Variants in NOS1 observed in about 807,000 individuals in gnomAD.
The protein encoded by NOS1 is nitric oxide synthase 1.
A neutral mutation model predicts 164.5 loss-of-function variants in NOS1; 51 were observed. The ratio of observed to expected loss-of-function variants is 0.31; its 90% CI spans 0.25 to 0.39. The LOEUF is 0.39. Ranked by LOEUF, NOS1 falls within the 10% of genes least tolerant of loss-of-function variation. The pLI is 1.00. For synonymous variants in NOS1, 719 were observed against 745.8 expected (o/e 0.96, Z 0.59); for missense variants, 1,362 against 1,885.6 (o/e 0.72, Z 5.14).
At chr12:117,340,871 C>CTTTTTTTTTTTTTTTTTT (rs775978271) in intron 1 of NOS1, among the ~76,000 whole-genome samples, 2 of 96,440 alleles carry the variant, frequency 2.1e-5, no homozygotes, top group East Asian at 2.7e-4. Flanking sequence ...TCACACCTGG[C>CTTTTTTTTTTTTTTTTTT]TATTTTTTTT....
rs1448716089 is a variant in NOS1, at chr12:117,208,377, C to T, written c.*6932G>A. 1.0e-5 allele frequency: 12 copies of T among 1,154,784 alleles called. No homozygotes were observed. The highest frequency in any genetic ancestry group is 9.9e-5 in the African/African-American group (3 of 30,456). 71.5% of individuals were successfully genotyped at this position (1,154,784 alleles called of 1,614,324 possible). A position where few individuals can be genotyped will look rare whatever the true frequency, so the allele number is the denominator to read the frequency against. ...AGAGCTCAGAGGTAGGGGGGACGGC[C>T]GAGTTTCTGACAGCGTGTGTGTGTG... On this transcript the variant is annotated 3_prime_UTR_variant, in exon 29 of 29. Transcript: ENST00000317775.
In NOS1 at chr12:117,359,874, TTTTATATATATATA is replaced by T. The variant is rs1201467267; in HGVS notation, c.-421+1624_-421+1637del. On this transcript the variant is annotated intron_variant, in intron 1 of 28. Coordinates refer to ENST00000317775, the MANE Select transcript of NOS1 (RefSeq NM_000620.5). ...CGGTCCCAGAGCATTACAATAATGG[TTTTATATATATATA>T]TATATATATATATATATATATATAT... 4.0e-3 allele frequency among the ~76,000 whole-genome samples: 176 copies of T among 44,202 alleles called. 12 individuals are homozygous for T. Among genetic ancestry groups the T allele is most frequent in the East Asian group, 6.8e-3 (10 of 1,464 alleles). The allele number at this position is 44,202 out of a possible 152,430, so 29.0% of individuals were successfully genotyped here. A position where few individuals can be genotyped will look rare whatever the true frequency, so the allele number is the denominator to read the frequency against.
chr12:117,346,300 G>A (rs566378577), intron 1 of NOS1, among the ~76,000 whole-genome samples: 3 of 152,150 alleles, frequency 2.0e-5, no homozygotes, highest in African/African-American at 7.2e-5. Flanking sequence ...GTGAAACCCC[G>A]TCTCTACTAA....
chr12:117,210,636 C>T lies in NOS1; in HGVS notation c.*4673G>A, dbSNP rs1475570819. The T allele has an allele frequency of 1.0e-6, 1 of 985,458 alleles. No individual in the cohort carries two copies. Among genetic ancestry groups the T allele is most frequent in the East Asian group, 1.1e-4 (1 of 8,806 alleles). The allele number at this position is 985,458 out of a possible 1,614,324, so 61.0% of individuals were successfully genotyped here. A position where few individuals can be genotyped will look rare whatever the true frequency, so the allele number is the denominator to read the frequency against. On this transcript the variant is annotated 3_prime_UTR_variant, in exon 29 of 29. Coordinates refer to ENST00000317775, the MANE Select transcript of NOS1 (RefSeq NM_000620.5). ...ATCTGGATTGCCCATCCTATTAGGA[C>T]CATTTGCCCTATGAGCTAGGTCAGG...
chr12:117,304,528 G>C (rs1206817004), intron 3 of NOS1, among the ~76,000 whole-genome samples: 1 of 152,192 alleles, frequency 6.6e-6, no homozygotes, highest in Non-Finnish European at 1.5e-5. Flanking sequence ...GCCTGTGTTT[G>C]CTCAGCTTTG....
intron 14 of NOS1, 144 bp from the exon 15 acceptor site, chr12:117,259,274 G>T: frequency 1.6e-6 from 1 of 616,556 alleles, no homozygotes; most frequent in Non-Finnish European, 2.9e-6. Flanking sequence ...ATCTCCTTTG[G>T]AAGGAGAACC....
intron 5 of NOS1, among the ~76,000 whole-genome samples, chr12:117,286,626 GA>G (rs1358194424): frequency 1.3e-5 from 2 of 152,078 alleles, no homozygotes; most frequent in Admixed American, 1.3e-4. Flanking sequence ...GTTTTAAGGG[GA>G]ACTCTTATAA....
rs1467302281 is a variant in NOS1 at position 117,208,637 on chromosome 12, C to G, written c.*6672G>C. On this transcript the variant is annotated 3_prime_UTR_variant, in exon 29 of 29. Coordinates refer to ENST00000317775, the MANE Select transcript of NOS1 (RefSeq NM_000620.5). ...GGGACTGAGACCCAGCTCAAGAGCA[C>G]TGGATCTCAGTGAGTCTTAATCAGA... is the stretch of plus-strand genomic sequence containing the variant. 8 of 1,159,490 alleles carry G rather than the reference C, an allele frequency of 6.9e-6. No homozygotes were observed. Among genetic ancestry groups the G allele is most frequent in the Non-Finnish European group, 8.6e-6 (8 of 925,910 alleles). The allele number at this position is 1,159,490 out of a possible 1,614,324, so 71.8% of individuals were successfully genotyped here. A position where few individuals can be genotyped will look rare whatever the true frequency, so the allele number is the denominator to read the frequency against.
At chr12:117,352,211 A>ACATG (rs1555262876) in intron 1 of NOS1, among the ~76,000 whole-genome samples, 2 of 151,790 alleles carry the variant, frequency 1.3e-5, no homozygotes, top group Admixed American at 6.6e-5. Flanking sequence ...ATACATACAT[A>ACATG]CATGCATACA....
chr12:117,301,922 C>T (rs1294957922), intron 3 of NOS1: 2 of 447,378 alleles, frequency 4.5e-6, no homozygotes, highest in African/African-American at 4.0e-5. Flanking sequence ...TAGTAACGAC[C>T]CCAACATTTG....
At chr12:117,324,740 G>T (rs1875160554) in intron 2 of NOS1, among the ~76,000 whole-genome samples, 1 of 98,350 alleles carries the variant, frequency 1.0e-5, no homozygotes, top group African/African-American at 4.7e-5. Flanking sequence ...AATAAATAAA[G>T]TGACTGCTCC....
chr12:117,256,754 A>C (rs914893114), intron 16 of NOS1, among the ~76,000 whole-genome samples: 1 of 152,044 alleles, frequency 6.6e-6, no homozygotes, highest in Non-Finnish European at 1.5e-5. Flanking sequence ...TGGGGGATGC[A>C]AGGGCTTTTC....
rs1193051225 is a variant in NOS1, at chr12:117,330,021, A to G, written c.725+324T>C. Among the ~76,000 whole-genome samples, 3 of 152,188 alleles carry G rather than the reference A, an allele frequency of 2.0e-5. No individual in the cohort carries two copies. ...GCCTCCGTCTTCTCACTTGTGAAAC[A>G]TAGATTGCAAAAATGCAAGTAAGTT... On this transcript the variant is annotated intron_variant, in intron 2 of 28. Coordinates refer to ENST00000317775, the MANE Select transcript of NOS1 (RefSeq NM_000620.5). This position sits in a 1 kb window ranked among gnomAD's most constrained non-coding sequence, Gnocchi z 4.6.
chr12:117,325,413 G>A (rs1025018902), intron 2 of NOS1, among the ~76,000 whole-genome samples: 4 of 152,118 alleles, frequency 2.6e-5, no homozygotes, highest in Non-Finnish European at 5.9e-5. Context: ...ATTTGTGGAG[G>A]TAGTTTTGGT....
chr12:117,218,973 G>T (rs2135921400), intron 27 of NOS1, among the ~76,000 whole-genome samples: 1 of 151,040 alleles, frequency 6.6e-6, no homozygotes. Context: ...TTCAGTTGGG[G>T]TTAGTTGTTT....
chr12:117,222,993 A>G (rs1868358683), intron 25 of NOS1, 130 bp from the exon 26 acceptor site: 1 of 1,030,868 alleles, frequency 9.7e-7, no homozygotes. Flanking sequence ...ACACTAGGAC[A>G]GGCAGATGTA....
intron 3 of NOS1, chr12:117,305,117 C>A: frequency 1.0e-6 from 1 of 969,042 alleles, no homozygotes; most frequent in Non-Finnish European, 1.2e-6. Flanking sequence ...AATGCTAGGC[C>A]CCCTGTGGAT....
intron 21 of NOS1, among the ~76,000 whole-genome samples, chr12:117,233,535 G>T (rs1247936138): frequency 6.6e-6 from 1 of 151,630 alleles, no homozygotes; most frequent in Non-Finnish European, 1.5e-5. Flanking sequence ...AGCCGGGTGC[G>T]GTGGCTCATG....
At position 117,208,419 on chromosome 12, in the gene NOS1, TGTG is replaced by T; in HGVS notation, c.*6887_*6889del. On this transcript the variant is annotated 3_prime_UTR_variant, in exon 29 of 29. Coordinates refer to ENST00000317775, the MANE Select transcript of NOS1 (RefSeq NM_000620.5). ...GTGTGTGTGTGTGTGTGTGTGTGTG[TGTG>T]GTGAGATGCGACCAGGTCTGCCCAC... 7.8e-7 allele frequency: 1 copy of T among 1,284,812 alleles called. No individual in the cohort carries two copies. The highest frequency in any genetic ancestry group is 1.0e-6 in the Non-Finnish European group (1 of 987,390). The allele number at this position is 1,284,812 out of a possible 1,614,324, so 79.6% of individuals were successfully genotyped here.
Sources: allele counts gnomAD v4.1 joint callset (sites outside exome capture counted in the v4.1 genomes callset), GRCh38; gene constraint gnomAD v4.1.1; non-coding constraint Gnocchi (gnomAD v3.1); transcripts MANE v1.5; gene names NCBI Gene and HGNC (gene_info 2026-07-23, HGNC 2026-07-21).